THSD7B: variants seen among roughly 807,000 people sequenced by gnomAD.
THSD7B encodes the protein thrombospondin type-1 domain-containing protein 7B.
A neutral mutation model predicts 213.6 loss-of-function variants in THSD7B; 138 were observed. The ratio of observed to expected loss-of-function variants is 0.65; its 90% CI spans 0.56 to 0.74. The LOEUF is 0.74. Ranked by LOEUF, THSD7B falls within the 30% of genes least tolerant of loss-of-function variation. THSD7B has a pLI of 0.00. For missense variants in THSD7B, 1,931 were observed against 1,991.5 expected, an observed-to-expected ratio of 0.97 and a Z score of 0.58; for synonymous variants, 742 against 687.0, an observed-to-expected ratio of 1.08 and a Z score of -1.25.
chr2:137,046,515 A>T (rs1359643375), intron 2 of THSD7B, among the ~76,000 whole-genome samples: 2 of 152,088 alleles, frequency 1.3e-5, no homozygotes, highest in African/African-American at 2.4e-5. Context: ...AGATCGCCTG[A>T]GGTCGGGAGT....
intron 17 of THSD7B, among the ~76,000 whole-genome samples, chr2:137,597,430 C>T (rs1428722442): frequency 6.6e-6 from 1 of 150,706 alleles, no homozygotes; most frequent in Non-Finnish European, 1.5e-5. Context: ...CCAAGACGGT[C>T]CAATGGGCAA....
chr2:136,772,646 G>T (rs1449601202), intron 1 of THSD7B, among the ~76,000 whole-genome samples: 1 of 152,152 alleles, frequency 6.6e-6, no homozygotes, highest in Non-Finnish European at 1.5e-5. Flanking sequence ...GTGAGTGGGG[G>T]TTGCTGGTGG....
intron 1 of THSD7B, among the ~76,000 whole-genome samples, chr2:136,827,862 C>A (rs1028066502): frequency 1.3e-5 from 2 of 151,824 alleles, no homozygotes; most frequent in Non-Finnish European, 1.5e-5. Context: ...TGCTTTGAAC[C>A]ATTTCAGACT....
intron 12 of THSD7B, among the ~76,000 whole-genome samples, chr2:137,306,907 A>G (rs1480707248): frequency 2.6e-5 from 4 of 152,172 alleles, no homozygotes; most frequent in African/African-American, 9.6e-5. Context: ...GATAAATAGA[A>G]CATAACAATA....
At chr2:136,954,253 G>A (rs556046606) in intron 2 of THSD7B, among the ~76,000 whole-genome samples, 3 of 152,278 alleles carry the variant, frequency 2.0e-5, no homozygotes, top group South Asian at 2.1e-4. Context: ...TTGAGAGTCC[G>A]GAAGGCTCCC....
intron 17 of THSD7B, among the ~76,000 whole-genome samples, chr2:137,590,176 A>C (rs1053168345): frequency 1.3e-5 from 2 of 152,224 alleles, no homozygotes; most frequent in Non-Finnish European, 2.9e-5. Flanking sequence ...GAAGAGCTAG[A>C]TCACTGGCTG....
chr2:137,563,312 G>A lies in THSD7B; in HGVS notation c.3230G>A (p.Arg1077Lys), dbSNP rs1423425617. 15 of 1,613,400 alleles carry A rather than the reference G, an allele frequency of 9.3e-6. No homozygotes were observed. The highest frequency in any genetic ancestry group is 1.3e-5 in the African/African-American group (1 of 74,994). Residue 1077 changes from arginine (R) to lysine (K), a missense_variant, in exon 16 of 28, where the codon AGG becomes AAG. Arg to Lys is a conservative substitution (Grantham distance 26, BLOSUM62 2). Coordinates refer to ENST00000409968, the MANE Select transcript of THSD7B (RefSeq NM_001316349.2). ...WSSCKINNEL[R>K]SLRCGGGTQS... ...TCATGCAAAATCAACAATGAGCTGA[G>A]GTCCCTGCGCTGTGGAGGAGGAACA...
At chr2:137,326,029 A>T (rs952464845) in intron 12 of THSD7B, among the ~76,000 whole-genome samples, 1 of 152,204 alleles carries the variant, frequency 6.6e-6, no homozygotes. Flanking sequence ...ATTGACTTGG[A>T]TCGGGTCACA....
At chr2:137,404,462 TATATATATATATACACAC>T (rs1244997260) in intron 12 of THSD7B, among the ~76,000 whole-genome samples, 8 of 81,918 alleles carry the variant, frequency 9.8e-5, no homozygotes, top group African/African-American at 1.8e-4. Flanking sequence ...TATATATATA[TATATATATATATACACAC>T]ACACACACAC....
At position 137,474,177 on chromosome 2, in the gene THSD7B, C is replaced by T. The variant is rs549158789; in HGVS notation, c.3138+23154C>T. 3.5e-4 allele frequency among the ~76,000 whole-genome samples: 53 copies of T among 152,276 alleles called. 1 individual carries two copies. The highest frequency in any genetic ancestry group is 5.1e-4 in the Non-Finnish European group (35 of 68,014). On this transcript the variant is annotated intron_variant, in intron 15 of 27. Coordinates refer to ENST00000409968, the MANE Select transcript of THSD7B (RefSeq NM_001316349.2). The stretch of plus-strand genomic sequence containing the variant: ...TTTGACCATACCATTTATAATTCCT[C>T]TATGTAAACACTGCTTTCAAATTGC...
chr2:136,802,925 T>C (rs1266884344), intron 1 of THSD7B, among the ~76,000 whole-genome samples: 1 of 151,758 alleles, frequency 6.6e-6, no homozygotes, highest in Non-Finnish European at 1.5e-5. Flanking sequence ...ACGAAACATT[T>C]TGCCTACATC....
At chr2:136,871,683 C>T (rs1683434403) in intron 1 of THSD7B, among the ~76,000 whole-genome samples, 1 of 152,162 alleles carries the variant, frequency 6.6e-6, no homozygotes, top group South Asian at 2.1e-4. Context: ...TAGGGCCTGG[C>T]AACTGTGTAG....
At chr2:136,885,693 G>C (rs978867948) in intron 2 of THSD7B, among the ~76,000 whole-genome samples, 8 of 152,132 alleles carry the variant, frequency 5.3e-5, no homozygotes, top group African/African-American at 1.9e-4. Context: ...GTTCTAAGAG[G>C]TTCACTTATT....
intron 12 of THSD7B, among the ~76,000 whole-genome samples, chr2:137,374,234 C>T (rs868019610): frequency 5.3e-5 from 8 of 152,222 alleles, no homozygotes; most frequent in Middle Eastern, 3.4e-3. Context: ...TTTTTTAAAG[C>T]ACATCCTTTC....
In THSD7B at chr2:137,272,627, A is replaced by G. The variant is rs374085183; in HGVS notation, c.2361A>G (p.Arg787=). 4 of 1,612,086 alleles carry G rather than the reference A, an allele frequency of 2.5e-6. No homozygotes were observed. The Admixed American group carries it at 6.7e-5, about 27-fold the overall frequency. Reference sequence around the variant, plus strand: ...GCCCAGATACCTTATATGAGGAGAGAGAGTGTGAAGATGTTTCCTTGTGTC... The same window carrying G: ...GCCCAGATACCTTATATGAGGAGAGGGAGTGTGAAGATGTTTCCTTGTGTC... ...QECPDTLYEE[R]ECEDVSLCPV... The change falls in exon 11 of 28, where the codon AGA becomes AGG. Residue 787 remains arginine, a synonymous_variant. Transcript: ENST00000409968.
intron 10 of THSD7B, among the ~76,000 whole-genome samples, chr2:137,244,736 G>C (rs1379089250): frequency 2.0e-5 from 3 of 151,948 alleles, no homozygotes; most frequent in African/African-American, 7.3e-5. Flanking sequence ...GACCTACAGA[G>C]GCAAAGATTC....
At chr2:137,324,334 C>T (rs1031918144) in intron 12 of THSD7B, among the ~76,000 whole-genome samples, 1 of 152,140 alleles carries the variant, frequency 6.6e-6, no homozygotes, top group African/African-American at 2.4e-5. Context: ...GATACTGTAT[C>T]TCTTCCCTGA....
intron 1 of THSD7B, among the ~76,000 whole-genome samples, chr2:136,787,831 T>C (rs1251082562): frequency 2.1e-5 from 1 of 48,054 alleles, no homozygotes; most frequent in Admixed American, 2.2e-4. Context: ...TTAAGAGCCA[T>C]TGTGTAGTTT....
chr2:137,659,982 T>G (rs926696096), intron 25 of THSD7B, among the ~76,000 whole-genome samples: 2 of 152,214 alleles, frequency 1.3e-5, no homozygotes, highest in East Asian at 1.9e-4. Flanking sequence ...ATACCTAATT[T>G]ATGTTAGCTC....
Sources: allele counts gnomAD v4.1 joint callset (sites outside exome capture counted in the v4.1 genomes callset), GRCh38; gene constraint gnomAD v4.1.1; transcripts MANE v1.5; gene names NCBI Gene and HGNC (gene_info 2026-07-23, HGNC 2026-07-21).